Variants in PACRG observed in about 807,000 individuals in gnomAD.
The protein encoded by PACRG is parkin coregulated gene protein.
In PACRG, 29 loss-of-function variants were observed where a neutral mutation model predicts 29.7. The ratio of observed to expected loss-of-function variants is 0.98; its 90% CI spans 0.73 to 1.33. The LOEUF (loss-of-function observed/expected upper bound fraction) is 1.33, where lower values mean the gene tolerates loss of function less well. PACRG is among the 40% of genes most tolerant of loss of function. The pLI is 0.00. For missense variants in PACRG, 279 were observed against 316.2 expected, an observed-to-expected ratio of 0.88 and a Z score of 0.89; for synonymous variants, 116 against 118.7, an observed-to-expected ratio of 0.98 and a Z score of 0.15.
chr6:162,874,147 A>ATAT (rs1165938489), intron 2 of PACRG, among the ~76,000 whole-genome samples: 1,297 of 109,744 alleles, frequency 0.012, 9 homozygotes, highest in Admixed American at 0.047. Flanking sequence ...GTTAAAAAAA[A>ATAT]AAAAATATAT....
chr6:162,748,658 A>G (rs192407952), intron 1 of PACRG, among the ~76,000 whole-genome samples: 258 of 152,306 alleles, frequency 1.7e-3, no homozygotes, highest in African/African-American at 5.8e-3. Context: ...CAGGTAAAGT[A>G]TAGAAAATGG....
At position 163,209,238 on chromosome 6, in the gene PACRG, CAGT is replaced by C. The variant is rs1428583807; in HGVS notation, c.614-105586_614-105584del. ...AGAGCATCTTACCATCCAAATTTCT[CAGT>C]AGCCTTAATAAAGAATAGTCAGTAG... is the stretch of plus-strand genomic sequence containing the variant. On this transcript the variant is annotated intron_variant, in intron 4 of 4. Transcript: ENST00000366888. Among the ~76,000 whole-genome samples the C allele has an allele frequency of 2.0e-5, 3 of 152,184 alleles. No individual in the cohort carries two copies. The East Asian group carries it at 5.8e-4, about 29-fold the overall frequency.
At chr6:162,950,892 C>T (rs1294401805) in intron 2 of PACRG, among the ~76,000 whole-genome samples, 1 of 152,146 alleles carries the variant, frequency 6.6e-6, no homozygotes, top group Non-Finnish European at 1.5e-5. Flanking sequence ...TAAGCTTGTT[C>T]TAGCACTTAG....
intron 2 of PACRG, among the ~76,000 whole-genome samples, chr6:162,841,333 T>C (rs572057070): frequency 5.7e-4 from 86 of 150,996 alleles, no homozygotes; most frequent in Non-Finnish European, 1.0e-3. Flanking sequence ...GGAGAGTGTA[T>C]GTGTCGAGGA....
intron 1 of PACRG, among the ~76,000 whole-genome samples, chr6:162,740,048 G>T (rs919346803): frequency 2.6e-5 from 4 of 151,966 alleles, no homozygotes; most frequent in Non-Finnish European, 5.9e-5. Flanking sequence ...TACCATCTAT[G>T]AATACTAACT....
At chr6:162,793,580 G>C (rs536789380) in intron 1 of PACRG, among the ~76,000 whole-genome samples, 9 of 152,176 alleles carry the variant, frequency 5.9e-5, no homozygotes, top group Non-Finnish European at 5.9e-5. Context: ...CAAGAAGAAG[G>C]AAGAAAGGAA....
At chr6:162,814,598 G>C (rs1562624438) in intron 2 of PACRG, among the ~76,000 whole-genome samples, 1 of 152,146 alleles carries the variant, frequency 6.6e-6, no homozygotes, top group Non-Finnish European at 1.5e-5. Flanking sequence ...GGAACTGGTG[G>C]CTGGATACGG....
intron 1 of PACRG, among the ~76,000 whole-genome samples, chr6:162,799,886 T>C (rs1222657530): frequency 6.6e-6 from 1 of 152,236 alleles, no homozygotes; most frequent in East Asian, 1.9e-4. Context: ...AGAAGATATA[T>C]GTTTAGATAT....
intron 2 of PACRG, among the ~76,000 whole-genome samples, chr6:162,906,426 C>T (rs1377763869): frequency 2.6e-5 from 4 of 152,122 alleles, no homozygotes; most frequent in Non-Finnish European, 4.4e-5. Flanking sequence ...ACTAAATAAT[C>T]AGTAGAGAAT....
chr6:163,089,509 A>G (rs971196565), intron 4 of PACRG, 101 bp downstream of exon 4: 4 of 1,362,664 alleles, frequency 2.9e-6, no homozygotes, highest in Non-Finnish European at 4.0e-6. Context: ...ATTATTGCAT[A>G]TAAACCATGA....
At chr6:162,953,470 T>C (rs1050814637) in intron 2 of PACRG, among the ~76,000 whole-genome samples, 3 of 152,142 alleles carry the variant, frequency 2.0e-5, no homozygotes, top group African/African-American at 4.8e-5. Context: ...CCTTTTTTTC[T>C]GAAAGGCAAC....
At position 163,232,821 on chromosome 6, in the gene PACRG, C is replaced by T. The variant is rs370934985; in HGVS notation, c.614-82006C>T. 3.9e-5 allele frequency among the ~76,000 whole-genome samples: 6 copies of T among 152,174 alleles called. No homozygotes were observed. In the East Asian group the frequency reaches 5.8e-4, roughly 15 times the overall value. On this transcript the variant is annotated intron_variant, in intron 4 of 4. Coordinates refer to ENST00000366888, the MANE Select transcript of PACRG (RefSeq NM_001080379.2). ...GGTAAAGAGCACGCCTCACCTACCC[C>T]CCAGCTCACGCTCCCAGGAGGAGGC... is the stretch of plus-strand genomic sequence containing the variant.
chr6:162,940,762 G>C (rs1356478251), intron 2 of PACRG, among the ~76,000 whole-genome samples: 1 of 152,116 alleles, frequency 6.6e-6, no homozygotes, highest in African/African-American at 2.4e-5. Context: ...TTTATCATTG[G>C]AGGGGTGAAA....
intron 2 of PACRG, among the ~76,000 whole-genome samples, chr6:163,024,975 C>G (rs552450530): frequency 4.6e-5 from 7 of 152,036 alleles, no homozygotes; most frequent in East Asian, 1.9e-4. Context: ...AAGCAAAAAG[C>G]CTTTATTGAG....
At chr6:162,821,439 G>T (rs1787831613) in intron 2 of PACRG, among the ~76,000 whole-genome samples, 1 of 152,210 alleles carries the variant, frequency 6.6e-6, no homozygotes, top group Non-Finnish European at 1.5e-5. Context: ...AACAAGAAAT[G>T]TTGTAAGTTT....
intron 4 of PACRG, among the ~76,000 whole-genome samples, chr6:163,141,232 G>A (rs1227994112): frequency 6.6e-6 from 1 of 151,976 alleles, no homozygotes; most frequent in African/African-American, 2.4e-5. Context: ...TCACCCAAGA[G>A]GGAAGGTAAA....
At chr6:163,193,960 T>C (rs554034000) in intron 4 of PACRG, among the ~76,000 whole-genome samples, 1 of 150,154 alleles carries the variant, frequency 6.7e-6, no homozygotes, top group African/African-American at 2.5e-5. Flanking sequence ...TGCCGCGATC[T>C]CGGCTCAGTG....
intron 2 of PACRG, among the ~76,000 whole-genome samples, chr6:162,950,871 G>A (rs1052624667): frequency 2.0e-5 from 3 of 152,170 alleles, no homozygotes; most frequent in Non-Finnish European, 4.4e-5. Context: ...AGATAAACCA[G>A]TTGATGAAAA....
chr6:162,811,858 C>T (rs994759467), intron 1 of PACRG, among the ~76,000 whole-genome samples: 6 of 152,094 alleles, frequency 3.9e-5, no homozygotes, highest in Non-Finnish European at 7.4e-5. Flanking sequence ...ATTTTTTCAG[C>T]TCCAATAAGC....
Sources: allele counts gnomAD v4.1 joint callset (sites outside exome capture counted in the v4.1 genomes callset), GRCh38; gene constraint gnomAD v4.1.1; transcripts MANE v1.5; gene names NCBI Gene and HGNC (gene_info 2026-07-23, HGNC 2026-07-21).